The following CALN1 variants were observed in gnomAD, a reference collection of about 807,000 sequenced individuals.
The protein encoded by CALN1 is calcium-binding protein 8.
Under a neutral mutation model 30.6 loss-of-function variants are expected in CALN1, and 17 were observed. That is an observed-to-expected ratio of 0.56 (90% confidence interval 0.38 to 0.83). The LOEUF (loss-of-function observed/expected upper bound fraction) is 0.83. CALN1 is among the 40% of genes least tolerant of loss of function. CALN1 has a pLI of 0.00. For missense variants in CALN1, 291 were observed against 354.9 expected, an observed-to-expected ratio of 0.82 and a Z score of 1.45; for synonymous variants, 156 against 131.4, an observed-to-expected ratio of 1.19 and a Z score of -1.28.
chr7:72,186,575 TCCTTCCC>T (rs1310775864), intron 3 of CALN1, among the ~76,000 whole-genome samples: 1 of 152,098 alleles, frequency 6.6e-6, no homozygotes, highest in Non-Finnish European at 1.5e-5. Flanking sequence ...GCCTCCTTCC[TCCTTCCC>T]CACTCTGGTA....
At chr7:72,043,694 C>T (rs1563004445) in intron 4 of CALN1, among the ~76,000 whole-genome samples, 1 of 152,130 alleles carries the variant, frequency 6.6e-6, no homozygotes, top group African/African-American at 2.4e-5. Context: ...TCGCTTGAGC[C>T]CAGGAGTTTC....
At chr7:72,332,381 G>C (rs10257621) in intron 2 of CALN1, among the ~76,000 whole-genome samples, 1 of 152,020 alleles carries the variant, frequency 6.6e-6, no homozygotes, top group South Asian at 2.1e-4. Context: ...GGGTGATAAC[G>C]TCTCGGTGTT....
intron 4 of CALN1, among the ~76,000 whole-genome samples, chr7:72,052,247 T>C (rs1802880600): frequency 6.6e-6 from 1 of 152,162 alleles, no homozygotes; most frequent in South Asian, 2.1e-4. Flanking sequence ...ATGGAGTAAA[T>C]GCGGAGTTAA....
At chr7:71,874,067 G>A (rs1430100152) in intron 5 of CALN1, among the ~76,000 whole-genome samples, 2 of 152,050 alleles carry the variant, frequency 1.3e-5, no homozygotes, top group Non-Finnish European at 2.9e-5. Context: ...TTGAGATCGG[G>A]AGTTTGAGAA....
At chr7:71,876,825 T>C (rs7789743) in intron 5 of CALN1, among the ~76,000 whole-genome samples, 150,340 of 152,314 alleles carry the variant, frequency 0.99, 74,207 homozygotes, top group East Asian at 1. Context: ...CAGAAACTAA[T>C]GCTCCGACCC....
intron 5 of CALN1, among the ~76,000 whole-genome samples, chr7:71,910,774 C>T (rs775605734): frequency 6.6e-6 from 1 of 152,094 alleles, no homozygotes; most frequent in Non-Finnish European, 1.5e-5. Context: ...TTTCCTGCAC[C>T]GTTTTTTTCT....
At chr7:72,121,400 T>C (rs1045664688) in intron 3 of CALN1, among the ~76,000 whole-genome samples, 3 of 146,252 alleles carry the variant, frequency 2.1e-5, no homozygotes, top group Non-Finnish European at 4.5e-5. Flanking sequence ...ATAGATGTTA[T>C]ATAATATGTA....
At chr7:72,405,910 CAAGGCACCCAGATGAGA>C (rs1169734742) in intron 1 of CALN1, among the ~76,000 whole-genome samples, 1 of 152,192 alleles carries the variant, frequency 6.6e-6, no homozygotes, top group Non-Finnish European at 1.5e-5. Context: ...GACATCAGAG[CAAGGCACCCAGATGAGA>C]ACTGTCGGGA....
chr7:72,189,499 G>C (rs1391179168), intron 3 of CALN1, among the ~76,000 whole-genome samples: 1 of 152,166 alleles, frequency 6.6e-6, no homozygotes, highest in Non-Finnish European at 1.5e-5. Context: ...GCTCACGCCT[G>C]TAATCCCAGC....
At chr7:72,181,667 T>C (rs569586749) in intron 3 of CALN1, among the ~76,000 whole-genome samples, 6 of 152,160 alleles carry the variant, frequency 3.9e-5, no homozygotes, top group African/African-American at 1.2e-4. Context: ...AGTAGAGTCA[T>C]GGTTTCGCCA....
intron 1 of CALN1, among the ~76,000 whole-genome samples, chr7:72,406,380 C>G (rs1806693743): frequency 6.6e-6 from 1 of 152,168 alleles, no homozygotes; most frequent in African/African-American, 2.4e-5. Flanking sequence ...CATCTTGGGA[C>G]CCAAGGTGCA....
At chr7:72,343,366 G>C (rs945927855) in intron 2 of CALN1, among the ~76,000 whole-genome samples, 4 of 152,012 alleles carry the variant, frequency 2.6e-5, no homozygotes, top group African/African-American at 4.8e-5. Context: ...GGTCAACATG[G>C]TGAAACTCTG....
In CALN1 at chr7:71,798,713, C is replaced by T. The variant is rs771563428; in HGVS notation, c.659-10811G>A. 4.7e-5 allele frequency among the ~76,000 whole-genome samples: 7 copies of T among 149,404 alleles called. No homozygotes were observed. In the South Asian group the frequency reaches 1.1e-3, roughly 23 times the overall value. ...CTCGGCTCACTGCAACCTCTGCCTC[C>T]GGGGTTCAAGCAATTCTCCTGCCTC... On this transcript the variant is annotated intron_variant, in intron 6 of 6. Transcript: ENST00000395275.
At chr7:72,269,577 G>A (rs1230630233) in intron 3 of CALN1, among the ~76,000 whole-genome samples, 2 of 152,166 alleles carry the variant, frequency 1.3e-5, no homozygotes, top group African/African-American at 4.8e-5. Flanking sequence ...CAGGCATCCA[G>A]CTAAGACACT....
chr7:72,150,601 C>T (rs1322125900), intron 3 of CALN1, among the ~76,000 whole-genome samples: 1 of 152,118 alleles, frequency 6.6e-6, no homozygotes, highest in Non-Finnish European at 1.5e-5. Flanking sequence ...AGGGAACAAC[C>T]AATGCAAAGA....
chr7:72,346,348 T>A (rs922726701), intron 2 of CALN1, among the ~76,000 whole-genome samples: 6 of 152,190 alleles, frequency 3.9e-5, no homozygotes, highest in African/African-American at 1.4e-4. Flanking sequence ...TCCATATTTC[T>A]AAGTAAGTGA....
intron 5 of CALN1, among the ~76,000 whole-genome samples, chr7:71,913,066 T>C (rs1794506766): frequency 6.6e-6 from 1 of 152,168 alleles, no homozygotes; most frequent in African/African-American, 2.4e-5. Context: ...TGCGAGTGTT[T>C]ATCTACTTCG....
At chr7:71,811,689 T>C (rs1244678610) in intron 5 of CALN1, among the ~76,000 whole-genome samples, 4 of 132,298 alleles carry the variant, frequency 3.0e-5, no homozygotes, top group Non-Finnish European at 6.4e-5. Flanking sequence ...TTTTTTTTTT[T>C]TTTTCCGAAA....
intron 5 of CALN1, among the ~76,000 whole-genome samples, chr7:71,952,182 C>A (rs571061405): frequency 6.6e-6 from 1 of 152,278 alleles, no homozygotes; most frequent in African/African-American, 2.4e-5. Flanking sequence ...ATTGGATATG[C>A]GACCTGCAAC....
Sources: gnomAD v4.1 joint callset for allele counts (sites outside exome capture counted in the v4.1 genomes callset) on GRCh38, gnomAD v4.1.1 for gene constraint, MANE v1.5 for transcripts, NCBI Gene and HGNC (gene_info 2026-07-23, HGNC 2026-07-21) for gene names.